The following ELFN2 variants were observed in gnomAD, a reference collection of about 807,000 sequenced individuals.
ELFN2 encodes the protein protein phosphatase 1 regulatory subunit 29.
In ELFN2, 17 loss-of-function variants were observed where a neutral mutation model predicts 45.5. The observed-to-expected ratio is 0.37, with a 90% CI of 0.26 to 0.56. The LOEUF is 0.56. Ranked by LOEUF, ELFN2 falls within the 20% of genes least tolerant of loss-of-function variation. ELFN2 has a pLI of 0.77. For synonymous variants in ELFN2, 550 were observed against 551.5 expected (o/e 1.00, Z 0.04); for missense variants, 922 against 1,183.2 (o/e 0.78, Z 3.24).
intron 1 of ELFN2, among the ~76,000 whole-genome samples, chr22:37,358,745 G>A (rs1931009870): frequency 6.6e-6 from 1 of 152,234 alleles, no homozygotes; most frequent in South Asian, 2.1e-4. Flanking sequence ...CAGATGAGGG[G>A]CACAGCCAGA....
intron 1 of ELFN2, 94 bp from the exon 2 acceptor site, chr22:37,418,013 T>G (rs1417982908): frequency 6.6e-6 from 1 of 152,236 alleles, no homozygotes; most frequent in African/African-American, 2.4e-5. Flanking sequence ...GGAAAAATGC[T>G]GAAGTCTTGA....
At position 37,372,994 on chromosome 22, in the gene ELFN2, C is replaced by T. The variant is rs879907711; in HGVS notation, c.*78G>A. 7.3e-5 allele frequency: 109 copies of T among 1,487,810 alleles called. No individual in the cohort carries two copies. The highest frequency in any genetic ancestry group is 8.8e-5 in the Non-Finnish European group (99 of 1,120,046). 92.2% of individuals were successfully genotyped at this position (1,487,810 alleles called of 1,614,324 possible). ...GGCCTTGGCCCCCGAGTCTGCTCCC[C>T]GCCCTGGCCGCCTGGACCCTTCCCC... On this transcript the variant is annotated 3_prime_UTR_variant, in exon 3 of 3. Transcript: ENST00000402918. This position sits in a 1 kb window ranked among gnomAD's most constrained non-coding sequence, Gnocchi z 4.4.
downstream of ELFN2, among the ~76,000 whole-genome samples, chr22:37,366,980 T>C (rs5756653): frequency 0.38 from 58,279 of 152,134 alleles, 11,518 homozygotes; most frequent in South Asian, 0.53. Flanking sequence ...GAAAGCCCTG[T>C]GGGCCACCAG....
At chr22:37,356,618 A>G (rs1472552406) in intron 1 of ELFN2, among the ~76,000 whole-genome samples, 1 of 152,158 alleles carries the variant, frequency 6.6e-6, no homozygotes, top group Non-Finnish European at 1.5e-5. Flanking sequence ...TACGTCAGCT[A>G]AATAGTAATA....
intron 2 of ELFN2, among the ~76,000 whole-genome samples, chr22:37,396,778 C>T (rs895472551): frequency 6.6e-6 from 1 of 152,142 alleles, no homozygotes; most frequent in African/African-American, 2.4e-5. Context: ...GCTCAGATCG[C>T]GCTCGGTCAT....
At chr22:37,392,156 C>T (rs1173990907) in intron 2 of ELFN2, among the ~76,000 whole-genome samples, 2 of 152,212 alleles carry the variant, frequency 1.3e-5, no homozygotes, top group Non-Finnish European at 2.9e-5. Flanking sequence ...CCTTGGCCCT[C>T]CTCAACCACT....
chr22:37,409,970 G>A (rs1047910644), intron 2 of ELFN2, among the ~76,000 whole-genome samples: 4 of 152,276 alleles, frequency 2.6e-5, no homozygotes, highest in African/African-American at 7.2e-5. Context: ...TGTGCACGCC[G>A]AGAGCATGTG....
At chr22:37,379,716 C>G (rs1354374652) in intron 2 of ELFN2, among the ~76,000 whole-genome samples, 1 of 152,150 alleles carries the variant, frequency 6.6e-6, no homozygotes, top group Non-Finnish European at 1.5e-5. Flanking sequence ...GCTCTGAGGG[C>G]AGAGCTGGTG....
intron 2 of ELFN2, among the ~76,000 whole-genome samples, chr22:37,398,616 C>G (rs1932280615): frequency 6.6e-6 from 1 of 152,168 alleles, no homozygotes. Context: ...TGCTCTAAAG[C>G]CTCTGGCGCC....
Position 37,373,000 on chromosome 22 carries a change from G to A in ELFN2, c.*72C>T. On this transcript the variant is annotated 3_prime_UTR_variant, in exon 3 of 3. Transcript: ENST00000402918. This position sits in a 1 kb window ranked among gnomAD's most constrained non-coding sequence, Gnocchi z 4.4. ...GGCCCCCGAGTCTGCTCCCCGCCCT[G>A]GCCGCCTGGACCCTTCCCCCAAAAG... is the stretch of plus-strand genomic sequence containing the variant. 1 of 1,500,132 alleles carries A rather than the reference G, an allele frequency of 6.7e-7. No individual in the cohort carries two copies. 92.9% of individuals were successfully genotyped at this position (1,500,132 alleles called of 1,614,324 possible).
At chr22:37,409,716 G>A (rs1490077628) in intron 2 of ELFN2, among the ~76,000 whole-genome samples, 1 of 152,168 alleles carries the variant, frequency 6.6e-6, no homozygotes, top group Admixed American at 6.5e-5. Flanking sequence ...TCACAACAGG[G>A]AAATGTCCTT....
rs746669142 is a variant in ELFN2, at chr22:37,373,623, T to G, written c.1912A>C (p.Lys638Gln). ...TCSVSSSGSI[K>Q]SAKVFSLDVP... ...TCCAGGCTAAAGACCTTGGCGCTCT[T>G]GATGGAACCACTGGACGACACGCTG... The change falls in exon 3 of 3, where the codon AAG becomes CAG. Residue 638 changes from lysine (K) to glutamine (Q), a missense_variant. Physicochemically the swap from Lys to Gln is moderately conservative, Grantham distance 53 (BLOSUM62 1). Coordinates refer to ENST00000402918, the MANE Select transcript of ELFN2 (RefSeq NM_052906.5). 19 of 1,601,362 alleles carry G rather than the reference T, an allele frequency of 1.2e-5. No individual in the cohort carries two copies.
intron 1 of ELFN2, among the ~76,000 whole-genome samples, chr22:37,356,642 CTT>C (rs1421767564): frequency 1.3e-5 from 2 of 152,198 alleles, no homozygotes; most frequent in Non-Finnish European, 2.9e-5. Context: ...ACGGCAGACA[CTT>C]ATGTGTGCTC....
rs937023678 is a variant in ELFN2, at chr22:37,375,553, A to C, written c.-19T>G. 8 of 1,527,396 alleles carry C rather than the reference A, an allele frequency of 5.2e-6. No individual in the cohort carries two copies. Among genetic ancestry groups the C allele is most frequent in the African/African-American group, 1.4e-5 (1 of 72,646 alleles). The allele number at this position is 1,527,396 out of a possible 1,614,324, so 94.6% of individuals were successfully genotyped here. A position where few individuals can be genotyped will look rare whatever the true frequency, so the allele number is the denominator to read the frequency against. ...GCAGCATGGCGCTGGCCTCGGAGTG[A>C]GGGGCCAGGGCAAGGCAGGGGGTGC... On this transcript the variant is annotated 5_prime_UTR_variant, in exon 3 of 3. Transcript: ENST00000402918.
At chr22:37,359,977 A>G (rs1027816148) in intron 1 of ELFN2, among the ~76,000 whole-genome samples, 2 of 152,238 alleles carry the variant, frequency 1.3e-5, no homozygotes, top group Non-Finnish European at 2.9e-5. Context: ...AGAAATTTCT[A>G]GAAAAGGAGC....
chr22:37,409,992 G>A (rs1404737378), intron 2 of ELFN2, among the ~76,000 whole-genome samples: 1 of 152,094 alleles, frequency 6.6e-6, no homozygotes, highest in Non-Finnish European at 1.5e-5. Context: ...CAGTTCCCCA[G>A]GTATAAGGGG....
At chr22:37,388,296 C>G (rs1932005559) in intron 2 of ELFN2, among the ~76,000 whole-genome samples, 1 of 152,138 alleles carries the variant, frequency 6.6e-6, no homozygotes, top group African/African-American at 2.4e-5. Flanking sequence ...TCCAACCTGG[C>G]CGGGGTCTCT....
intron 2 of ELFN2, among the ~76,000 whole-genome samples, chr22:37,391,199 G>A (rs992794470): frequency 2.0e-5 from 3 of 152,132 alleles, no homozygotes; most frequent in African/African-American, 7.2e-5. Flanking sequence ...CTGCGTGGGG[G>A]CCATCCTCTG....
downstream of ELFN2, among the ~76,000 whole-genome samples, chr22:37,364,083 T>A (rs114194044): frequency 1.9e-4 from 29 of 152,200 alleles, no homozygotes; most frequent in African/African-American, 6.5e-4. Flanking sequence ...AGAGCAGAAC[T>A]CAGAATTGGA....
Sources: allele counts gnomAD v4.1 joint callset (sites outside exome capture counted in the v4.1 genomes callset), GRCh38; gene constraint gnomAD v4.1.1; non-coding constraint Gnocchi (gnomAD v3.1); transcripts MANE v1.5; gene names NCBI Gene and HGNC (gene_info 2026-07-23, HGNC 2026-07-21).